PIWIL4: variants seen among roughly 807,000 people sequenced by gnomAD.
PIWIL4 encodes piwi like RNA-mediated gene silencing 4, also known as piwi-like protein 4.
Under a neutral mutation model 100.9 loss-of-function variants are expected in PIWIL4, and 50 were observed. The ratio of observed to expected loss-of-function variants is 0.50; its 90% CI spans 0.39 to 0.63. PIWIL4 has a LOEUF of 0.63. Among genes scored for constraint, PIWIL4 ranks in the 20% least tolerant of loss-of-function variants. The probability of loss-of-function intolerance (pLI) is 0.00; values close to 1 mark genes in which losing one functional copy is unlikely to be tolerated. For synonymous variants in PIWIL4, 342 were observed against 367.5 expected (o/e 0.93, Z 0.79); for missense variants, 887 against 1,043.3 (o/e 0.85, Z 2.06).
At chr11:94,593,805 G>A (rs1212680896) in intron 9 of PIWIL4, among the ~76,000 whole-genome samples, 164 bp downstream of exon 9, 1 of 152,120 alleles carries the variant, frequency 6.6e-6, no homozygotes, top group Non-Finnish European at 1.5e-5. Flanking sequence ...CATGTTGGGG[G>A]AATCGATTCC....
intron 8 of PIWIL4, among the ~76,000 whole-genome samples, chr11:94,591,390 A>G (rs898890324): frequency 4.6e-5 from 7 of 152,242 alleles, no homozygotes; most frequent in African/African-American, 1.4e-4. Flanking sequence ...TCACACACGT[A>G]GAAGAGCAAG....
At chr11:94,594,770 G>A (rs536087657) in intron 9 of PIWIL4, among the ~76,000 whole-genome samples, 1 of 152,204 alleles carries the variant, frequency 6.6e-6, no homozygotes, top group African/African-American at 2.4e-5. Context: ...AACCTCAGGT[G>A]ATCCACCCGC....
chr11:94,595,142 T>A (rs1445767050), intron 9 of PIWIL4, among the ~76,000 whole-genome samples, 167 bp from the exon 10 acceptor site: 4 of 152,164 alleles, frequency 2.6e-5, no homozygotes, highest in African/African-American at 9.7e-5. Context: ...TTGCCTTTTC[T>A]TAATGTGGCT....
rs566301029 is a variant in PIWIL4, at chr11:94,589,765, G to A, written c.1026+533G>A. Among the ~76,000 whole-genome samples the A allele has an allele frequency of 6.6e-5, 10 of 152,172 alleles. No homozygotes were observed. In the South Asian group the frequency reaches 2.1e-3, roughly 32 times the overall value. ...TCAGCTCAGCCATCAAGTCTCAAGG[G>A]AGCCCCAAAGCATTCCTCCCAGAAT... On this transcript the variant is annotated intron_variant, in intron 8 of 19. Transcript: ENST00000299001.
At position 94,593,721 on chromosome 11, in the gene PIWIL4, G is replaced by A. The variant is rs565684233; in HGVS notation, c.1150+80G>A. 4.7e-5 allele frequency: 69 copies of A among 1,478,812 alleles called. 1 individual carries two copies. In the South Asian group the frequency reaches 8.9e-4, roughly 19 times the overall value. 91.6% of individuals were successfully genotyped at this position (1,478,812 alleles called of 1,614,324 possible). On this transcript the variant is annotated intron_variant, in intron 9 of 19. Coordinates refer to ENST00000299001, the MANE Select transcript of PIWIL4 (RefSeq NM_152431.3). ...TTGGCAGTGGGCAGACCCTCTTTAA[G>A]TTACATGAATGCCAGGACATCGATT...
chr11:94,602,045 A>G (rs1948649692), intron 12 of PIWIL4, 66 bp downstream of exon 12: 4 of 1,428,332 alleles, frequency 2.8e-6, no homozygotes, highest in Non-Finnish European at 3.8e-6. Flanking sequence ...GAATAATGGC[A>G]GATGTATCAA....
intron 1 of PIWIL4, 38 bp from the exon 2 acceptor site, chr11:94,568,691 CA>C (rs1565267121): frequency 6.8e-7 from 1 of 1,466,584 alleles, no homozygotes; most frequent in South Asian, 1.1e-5. Context: ...TGTGACTTAC[CA>C]TTGTAAATCT....
intron 8 of PIWIL4, among the ~76,000 whole-genome samples, chr11:94,592,538 C>G (rs1565275961): frequency 6.6e-6 from 1 of 152,178 alleles, no homozygotes; most frequent in Admixed American, 6.5e-5. Context: ...ATCAGTTGCA[C>G]CTGCTACTTT....
intron 2 of PIWIL4, among the ~76,000 whole-genome samples, chr11:94,569,113 G>A (rs867021886): frequency 6.6e-6 from 1 of 152,148 alleles, no homozygotes. Context: ...AATACCATTT[G>A]ATCCAGCAAC....
At position 94,595,366 on chromosome 11, in the gene PIWIL4, C is replaced by T. The variant is rs994041528; in HGVS notation, c.1208C>T (p.Thr403Ile). ...CTGATGAAGGCTGTGGCTGAAAAGA[C>T]ACGTCTCAGTCCTTCAGGCCGGCAG... ...FQLMKAVAEK[T>I]RLSPSGRQQR... The change falls in exon 10 of 20, where the codon ACA becomes ATA. Residue 403 changes from threonine to isoleucine, a missense_variant. Thr to Ile is a moderately conservative substitution (Grantham distance 89). Around this residue, in one of 2 missense-constraint regions of PIWIL4, gnomAD observed 741 missense variants for 930.0 expected, o/e 0.80. Transcript: ENST00000299001. 2 of 1,613,920 alleles carry T rather than the reference C, an allele frequency of 1.2e-6. No homozygotes were observed. The highest frequency in any genetic ancestry group is 8.5e-7 in the Non-Finnish European group (1 of 1,179,908).
At chr11:94,569,911 A>G (rs1343217845) in intron 2 of PIWIL4, among the ~76,000 whole-genome samples, 5 of 152,180 alleles carry the variant, frequency 3.3e-5, no homozygotes, top group Non-Finnish European at 7.4e-5. Context: ...ACACTATGCA[A>G]TATATCCATG....
At chr11:94,586,349 A>G (rs1948398115) in intron 6 of PIWIL4, among the ~76,000 whole-genome samples, 1 of 152,124 alleles carries the variant, frequency 6.6e-6, no homozygotes, top group South Asian at 2.1e-4. Context: ...AATAGTCCAC[A>G]AAATATAAAC....
At chr11:94,597,625 C>G (rs72965813) in intron 10 of PIWIL4, among the ~76,000 whole-genome samples, 179 bp from the exon 11 acceptor site, 4,896 of 152,306 alleles carry the variant, frequency 0.032, 107 homozygotes, top group Middle Eastern at 0.061. Context: ...GAATCCTTTT[C>G]CCATTCCTGA....
rs756416961 is a variant in PIWIL4, at chr11:94,621,195, G to A, written c.*203G>A. The A allele has an allele frequency of 5.3e-5, 26 of 489,806 alleles. No individual in the cohort carries two copies. In the South Asian group the frequency reaches 7.3e-4, roughly 14 times the overall value. The allele number at this position is 489,806 out of a possible 1,614,324, so 30.3% of individuals were successfully genotyped here. A position where few individuals can be genotyped will look rare whatever the true frequency, so the allele number is the denominator to read the frequency against. The stretch of plus-strand genomic sequence containing the variant: ...TTGTTTTAAAGAGTTGTATGCTTGG[G>A]GTAAATTTTCATTGTCATATGTGGA... On this transcript the variant is annotated 3_prime_UTR_variant, in exon 20 of 20. Coordinates refer to ENST00000299001, the MANE Select transcript of PIWIL4 (RefSeq NM_152431.3).
intron 10 of PIWIL4, among the ~76,000 whole-genome samples, chr11:94,597,070 C>T (rs1253443274): frequency 6.6e-6 from 1 of 152,132 alleles, no homozygotes; most frequent in Non-Finnish European, 1.5e-5. Context: ...TCATATACTC[C>T]CATGAGCTAA....
At chr11:94,614,334 T>G (rs1335906058) in intron 15 of PIWIL4, among the ~76,000 whole-genome samples, 2 of 143,488 alleles carry the variant, frequency 1.4e-5, no homozygotes, top group South Asian at 2.2e-4. Flanking sequence ...TGAGATAGAG[T>G]TTCGCTCTTG....
chr11:94,574,479 A>T (rs1459135440), intron 2 of PIWIL4, among the ~76,000 whole-genome samples: 2 of 152,174 alleles, frequency 1.3e-5, no homozygotes, highest in Non-Finnish European at 2.9e-5. Context: ...CTACAATATT[A>T]CAAGGGCAAG....
At chr11:94,612,141 G>A (rs1196550540) in intron 15 of PIWIL4, among the ~76,000 whole-genome samples, 4 of 151,980 alleles carry the variant, frequency 2.6e-5, no homozygotes, top group African/African-American at 9.7e-5. Context: ...GTTGTTAAAA[G>A]TGGAGTACTG....
intron 13 of PIWIL4, among the ~76,000 whole-genome samples, chr11:94,605,255 T>C (rs183878654): frequency 1.7e-4 from 26 of 152,332 alleles, no homozygotes; most frequent in African/African-American, 5.1e-4. Flanking sequence ...AGTTGTCCAG[T>C]CTCTATAGTC....
Sources: gnomAD v4.1 joint callset for allele counts (sites outside exome capture counted in the v4.1 genomes callset) on GRCh38, gnomAD v4.1.1 for gene constraint, gnomAD v4.1.1 regional missense constraint, MANE v1.5 for transcripts, NCBI Gene and HGNC (gene_info 2026-07-23, HGNC 2026-07-21) for gene names.